Variants in DYSF observed in about 807,000 individuals in gnomAD.
DYSF encodes dystrophy-associated fer-1-like 1.
DYSF carries 212 observed loss-of-function variants against 274.9 expected under a neutral mutation model. That is an observed-to-expected ratio of 0.77 (90% confidence interval 0.69 to 0.86). The LOEUF is 0.86. Ranked by LOEUF, DYSF falls within the 40% of genes least tolerant of loss-of-function variation. DYSF has a pLI of 0.00. For synonymous variants in DYSF, 1,091 were observed against 1,078.7 expected, an observed-to-expected ratio of 1.01 and a Z score of -0.22; for missense variants, 2,666 against 2,783.2, an observed-to-expected ratio of 0.96 and a Z score of 0.95.
At chr2:71,475,433 G>A (rs1203459868) in intron 1 of DYSF, among the ~76,000 whole-genome samples, 1 of 152,242 alleles carries the variant, frequency 6.6e-6, no homozygotes, top group Non-Finnish European at 1.5e-5. Context: ...TGGGGGTTCA[G>A]AGCTAGAAGC....
At chr2:71,456,684 G>A (rs2081078869) in intron 1 of DYSF, among the ~76,000 whole-genome samples, 1 of 152,130 alleles carries the variant, frequency 6.6e-6, no homozygotes, top group African/African-American at 2.4e-5. Flanking sequence ...GTGAGGTAGA[G>A]GGCAAAGATA....
At chr2:71,623,480 A>G (rs774008882) in intron 41 of DYSF, among the ~76,000 whole-genome samples, 1 of 152,152 alleles carries the variant, frequency 6.6e-6, no homozygotes, top group Non-Finnish European at 1.5e-5. Flanking sequence ...CAAATGTACC[A>G]CAAACATTTT....
intron 47 of DYSF, among the ~76,000 whole-genome samples, chr2:71,667,173 C>T (rs1320668128): frequency 6.6e-6 from 1 of 152,144 alleles, no homozygotes; most frequent in African/African-American, 2.4e-5. Flanking sequence ...GATTTTAAGC[C>T]TGGAGCTAGT....
At position 71,536,553 on chromosome 2, in the gene DYSF, C is replaced by G. The variant is rs866745593; in HGVS notation, c.1493+1242C>G. On this transcript the variant is annotated intron_variant, in intron 16 of 55. Transcript: ENST00000410020. ...GGGCGATGAGCTGTGCGTGTCTCTGCGTGTTTGCGCATGTGGATGTGAGTG... is the reference window on the plus strand; with the variant it reads ...GGGCGATGAGCTGTGCGTGTCTCTGGGTGTTTGCGCATGTGGATGTGAGTG... Among the ~76,000 whole-genome samples, 45 of 152,186 alleles carry G rather than the reference C, an allele frequency of 3.0e-4. 1 individual carries two copies. Among genetic ancestry groups the G allele is most frequent in the Admixed American group, 2.6e-3 (39 of 15,282 alleles).
At chr2:71,676,110 A>G (rs571563790) in intron 52 of DYSF, among the ~76,000 whole-genome samples, 7 of 152,260 alleles carry the variant, frequency 4.6e-5, no homozygotes, top group African/African-American at 1.2e-4. Flanking sequence ...AGGTTTCCCA[A>G]TGTGAGTAAC....
chr2:71,605,022 G>T (rs2093620988), intron 36 of DYSF, among the ~76,000 whole-genome samples: 1 of 152,214 alleles, frequency 6.6e-6, no homozygotes, highest in South Asian at 2.1e-4. Context: ...GTCAGGAAGT[G>T]AGGCTGTTGC....
In DYSF at chr2:71,627,448, G is replaced by A. The variant is rs564864524; in HGVS notation, c.4527+6839G>A. Among the ~76,000 whole-genome samples the A allele has an allele frequency of 4.6e-5, 7 of 152,210 alleles. No homozygotes were observed. In the South Asian group the frequency reaches 1.5e-3, roughly 32 times the overall value. On this transcript the variant is annotated intron_variant, in intron 41 of 55. Transcript: ENST00000410020. ...GAATGGTCTCTATGGTCCAGAGAGT[G>A]TAGTCTGTGTGTAACGATATAATAC...
At chr2:71,581,744 T>A (rs898787891) in intron 30 of DYSF, among the ~76,000 whole-genome samples, 1 of 152,214 alleles carries the variant, frequency 6.6e-6, no homozygotes, top group Admixed American at 6.5e-5. Flanking sequence ...TTCTTGCTTA[T>A]CAGGTGGGAA....
chr2:71,559,945 AGGT>A (rs1487381281), intron 22 of DYSF, among the ~76,000 whole-genome samples: 1 of 152,214 alleles, frequency 6.6e-6, no homozygotes, highest in Non-Finnish European at 1.5e-5. Context: ...CCCAGGGTAC[AGGT>A]ATCCACCTGG....
intron 52 of DYSF, among the ~76,000 whole-genome samples, chr2:71,675,957 A>G (rs894020228): frequency 6.6e-6 from 1 of 152,270 alleles, no homozygotes; most frequent in South Asian, 2.1e-4. Flanking sequence ...AAAACCTAAT[A>G]TTCCAAGAAC....
intron 36 of DYSF, among the ~76,000 whole-genome samples, chr2:71,605,680 A>C (rs2093634276): frequency 6.6e-6 from 1 of 152,084 alleles, no homozygotes; most frequent in African/African-American, 2.4e-5. Context: ...ATACCACTCC[A>C]TCCACCCATC....
intron 1 of DYSF, among the ~76,000 whole-genome samples, chr2:71,459,669 C>A (rs2081205526): frequency 6.6e-6 from 1 of 152,168 alleles, no homozygotes; most frequent in Non-Finnish European, 1.5e-5. Context: ...TGATTAAAGA[C>A]AACATGTCTG....
intron 30 of DYSF, among the ~76,000 whole-genome samples, chr2:71,586,308 G>A (rs2093067331): frequency 6.6e-6 from 1 of 152,104 alleles, no homozygotes; most frequent in Non-Finnish European, 1.5e-5. Context: ...GTCTCCCCTG[G>A]TGCCCCAGTA....
Position 71,548,902 on chromosome 2 carries a change from A to T in DYSF, c.1577-2139A>T, listed in dbSNP as rs2152782963. ...AAGCACGACCTGCCTGCGGGCTTGGAGTGTGGGGTGTGCCTTGCTGCCTAG... is the reference window on the plus strand; with the variant it reads ...AAGCACGACCTGCCTGCGGGCTTGGTGTGTGGGGTGTGCCTTGCTGCCTAG... On this transcript the variant is annotated intron_variant, in intron 17 of 55. Coordinates refer to ENST00000410020, the MANE Select transcript of DYSF (RefSeq NM_001130987.2). Among the ~76,000 whole-genome samples, 3 of 152,114 alleles carry T rather than the reference A, an allele frequency of 2.0e-5. No individual in the cohort carries two copies. In the South Asian group the frequency reaches 6.2e-4, roughly 32 times the overall value.
chr2:71,647,462 T>C (rs2152927945), intron 42 of DYSF, among the ~76,000 whole-genome samples: 1 of 152,340 alleles, frequency 6.6e-6, no homozygotes, highest in East Asian at 1.9e-4. Context: ...AAATATTTTA[T>C]TGGGACTTCC....
intron 36 of DYSF, among the ~76,000 whole-genome samples, chr2:71,604,582 G>A (rs548748112): frequency 6.6e-6 from 1 of 152,206 alleles, no homozygotes; most frequent in Non-Finnish European, 1.5e-5. Context: ...GGAGGTGTGG[G>A]TTTGAGAGAC....
intron 1 of DYSF, among the ~76,000 whole-genome samples, chr2:71,477,645 A>T (rs987989525): frequency 2.6e-5 from 4 of 152,210 alleles, no homozygotes; most frequent in Admixed American, 6.5e-5. Context: ...AAAATTTTCC[A>T]AATGACCAAT....
intron 23 of DYSF, among the ~76,000 whole-genome samples, chr2:71,563,734 A>G (rs1409619835): frequency 6.6e-6 from 1 of 152,176 alleles, no homozygotes; most frequent in Non-Finnish European, 1.5e-5. Flanking sequence ...CCTGGTAGCG[A>G]GGACCTAAGA....
In DYSF at chr2:71,539,057, G is replaced by A. The variant is rs959094406; in HGVS notation, c.1494-100G>A. 1.6e-4 allele frequency: 163 copies of A among 1,020,250 alleles called. No homozygotes were observed. The Middle Eastern group carries it at 2.1e-3, about 13-fold the overall frequency. The allele number at this position is 1,020,250 out of a possible 1,614,324, so 63.2% of individuals were successfully genotyped here. Reference sequence around the variant, plus strand: ...CAGAAGCGCTCTCTGCCTGCCCCCCGCCCCCCTGTGATGTGTAACCGAGGC... The same window carrying A: ...CAGAAGCGCTCTCTGCCTGCCCCCCACCCCCCTGTGATGTGTAACCGAGGC... On this transcript the variant is annotated intron_variant, in intron 16 of 55. Coordinates refer to ENST00000410020, the MANE Select transcript of DYSF (RefSeq NM_001130987.2).
Sources: gnomAD v4.1 joint callset for allele counts (sites outside exome capture counted in the v4.1 genomes callset) on GRCh38, gnomAD v4.1.1 for gene constraint, MANE v1.5 for transcripts, NCBI Gene and HGNC (gene_info 2026-07-23, HGNC 2026-07-21) for gene names.